Variants in LAMP3 observed in about 807,000 individuals in gnomAD.
LAMP3 encodes the protein lysosome-associated membrane glycoprotein 3.
In LAMP3, 26 loss-of-function variants were observed where a neutral mutation model predicts 34.8. That is an observed-to-expected ratio of 0.75 (90% confidence interval 0.55 to 1.04). The LOEUF (loss-of-function observed/expected upper bound fraction) is 1.04, where lower values mean the gene tolerates loss of function less well. Ranked by LOEUF, LAMP3 falls within the 50% of genes least tolerant of loss-of-function variation. The pLI, the probability that LAMP3 is intolerant of heterozygous loss-of-function variation, is 0.00. For missense variants in LAMP3, 495 were observed against 524.0 expected (o/e 0.94, Z 0.54); for synonymous variants, 180 against 201.9 (o/e 0.89, Z 0.92).
chr3:183,155,268 A>T (rs964351031), intron 1 of LAMP3, among the ~76,000 whole-genome samples: 3 of 152,142 alleles, frequency 2.0e-5, no homozygotes, highest in African/African-American at 7.2e-5. Context: ...CGTTCATCCA[A>T]TCTAGACTTA....
chr3:183,152,648 G>A (rs514636), intron 2 of LAMP3, 145 bp from the exon 3 acceptor site: 555,989 of 622,560 alleles, frequency 0.89, 248,745 homozygotes, highest in Non-Finnish European at 0.91. Flanking sequence ...AACACCTCTC[G>A]TTTTCAAACT....
At chr3:183,162,961 T>A, upstream of LAMP3, 1 of 349,644 alleles carries the variant, frequency 2.9e-6, no homozygotes, top group Non-Finnish European at 5.1e-6. Context: ...CCTCCTTTCT[T>A]TTTCTTTTCT....
chr3:183,152,068 A>G (rs16833752), intron 3 of LAMP3, among the ~76,000 whole-genome samples: 11,187 of 152,202 alleles, frequency 0.074, 462 homozygotes, highest in East Asian at 0.16. Flanking sequence ...GGGAATTTCT[A>G]CAGGTTTATT....
At chr3:183,145,188 G>T (rs10513791) in intron 3 of LAMP3, among the ~76,000 whole-genome samples, 11,228 of 152,210 alleles carry the variant, frequency 0.074, 467 homozygotes, top group East Asian at 0.16. Context: ...ATCTTGAACT[G>T]GAAGGGTCTG....
intron 3 of LAMP3, among the ~76,000 whole-genome samples, chr3:183,143,491 C>A (rs2108604201): frequency 1.3e-5 from 2 of 152,192 alleles, no homozygotes; most frequent in South Asian, 2.1e-4. Context: ...AACAAAAGGA[C>A]AGGGGGATAT....
At position 183,154,295 on chromosome 3, in the gene LAMP3, T is replaced by C; in HGVS notation, c.146A>G (p.Lys49Arg). Residue 49 changes from lysine to arginine, a missense_variant, in exon 2 of 6, where the codon AAA (lysine) becomes AGA (arginine). By Grantham distance (26) the Lys-to-Arg change is conservative. Transcript: ENST00000265598. The stretch of plus-strand genomic sequence containing the variant: ...CTTAGCTGGTTGCTGGACAGGTTTT[T>C]TTATGTCCTGTACTGTTGCTGCTGC... ...PTAAATVQDIKKPVQQPAKQA... is the reference protein window; with the variant it reads ...PTAAATVQDIRKPVQQPAKQA... 1 of 1,614,190 alleles carries C rather than the reference T, an allele frequency of 6.2e-7. No homozygotes were observed.
chr3:183,137,227 G>C (rs1353773329), intron 4 of LAMP3, among the ~76,000 whole-genome samples: 1 of 152,024 alleles, frequency 6.6e-6, no homozygotes, highest in Non-Finnish European at 1.5e-5. Flanking sequence ...GCTGAGGCAG[G>C]AGAATCTCTT....
At chr3:183,154,530 C>T (rs2280563) in intron 1 of LAMP3, 139 bp from the exon 2 acceptor site, 53,853 of 656,256 alleles carry the variant, frequency 0.082, 2,623 homozygotes, top group East Asian at 0.19. Flanking sequence ...TGCAAGGGTA[C>T]AACAATGAAG....
At chr3:183,150,535 T>A (rs188822088) in intron 3 of LAMP3, among the ~76,000 whole-genome samples, 185 of 151,420 alleles carry the variant, frequency 1.2e-3, no homozygotes, top group Admixed American at 4.4e-3. Context: ...AATGTTTATG[T>A]CTGTATCTTC....
rs1284769878 is a variant in LAMP3 at position 183,153,861 on chromosome 3, T to C, written c.580A>G (p.Thr194Ala). Residue 194 changes from threonine to alanine, a missense_variant, in exon 2 of 6, where the codon ACA becomes GCA. By Grantham distance (58) the Thr-to-Ala change is moderately conservative. Coordinates refer to ENST00000265598, the MANE Select transcript of LAMP3 (RefSeq NM_014398.4). ...GTGGTATTGTGGGCAGCTGCCGTTG[T>C]TCCTGGGGCATGGGTGGGTTGAACA... ...KPVQPTHAPG[T>A]TAAAHNTTRT... 2 of 1,612,830 alleles carry C rather than the reference T, an allele frequency of 1.2e-6. No individual in the cohort carries two copies. Among genetic ancestry groups the C allele is most frequent in the Non-Finnish European group, 1.7e-6 (2 of 1,179,166 alleles).
chr3:183,134,718 A>G (rs1720031788), intron 5 of LAMP3, among the ~76,000 whole-genome samples: 1 of 152,232 alleles, frequency 6.6e-6, no homozygotes, highest in Admixed American at 6.5e-5. Flanking sequence ...CACTGAGTAC[A>G]TGAGGAGAAG....
At chr3:183,155,152 C>T (rs1023901073) in intron 1 of LAMP3, among the ~76,000 whole-genome samples, 5 of 152,128 alleles carry the variant, frequency 3.3e-5, no homozygotes, top group African/African-American at 4.8e-5. Context: ...TCTTGTGATC[C>T]GCCTGCCTCA....
At chr3:183,132,250 A>T in intron 5 of LAMP3, 1 of 960,960 alleles carries the variant, frequency 1.0e-6, no homozygotes, top group Non-Finnish European at 1.2e-6. Context: ...TAATTTTTTA[A>T]ACTGATAATA....
intron 4 of LAMP3, among the ~76,000 whole-genome samples, chr3:183,137,649 G>T (rs944935812): frequency 1.3e-5 from 2 of 152,082 alleles, no homozygotes; most frequent in Non-Finnish European, 2.9e-5. Context: ...CATTACAACT[G>T]TCACTACCGT....
chr3:183,141,513 G>A (rs949662673), intron 3 of LAMP3, among the ~76,000 whole-genome samples: 5 of 152,166 alleles, frequency 3.3e-5, no homozygotes, highest in African/African-American at 1.2e-4. Context: ...CAAGTTAAGA[G>A]ATGCAAAAAT....
intron 3 of LAMP3, among the ~76,000 whole-genome samples, chr3:183,150,597 T>C (rs1576884228): frequency 7.9e-6 from 1 of 126,118 alleles, no homozygotes; most frequent in Admixed American, 1.0e-4. Flanking sequence ...TGGAGAGCAG[T>C]GGTGCAATCA....
chr3:183,158,612 C>G (rs1469451433), intron 1 of LAMP3, among the ~76,000 whole-genome samples: 1 of 152,002 alleles, frequency 6.6e-6, no homozygotes, highest in African/African-American at 2.4e-5. Context: ...GGTTTTGGTT[C>G]CCCTACAACC....
intron 1 of LAMP3, among the ~76,000 whole-genome samples, chr3:183,156,364 AAAC>A (rs10663850): frequency 2.0e-5 from 3 of 151,032 alleles, no homozygotes; most frequent in African/African-American, 7.3e-5. Flanking sequence ...GCTGTCTCAA[AAAC>A]AACAACAACA....
At position 183,123,096 on chromosome 3, in the gene LAMP3, C is replaced by T. The variant is rs961308866; in HGVS notation, c.*985G>A. ...AATAATTAAGGGCCATTATTATTGT[C>T]TCTTGCTTATTGTTTAGTTCTACCA... is the stretch of plus-strand genomic sequence containing the variant. On this transcript the variant is annotated 3_prime_UTR_variant, in exon 6 of 6. Transcript: ENST00000265598. The T allele has an allele frequency of 3.3e-5, 5 of 152,182 alleles. No individual in the cohort carries two copies. The highest frequency in any genetic ancestry group is 1.2e-4 in the African/African-American group (5 of 41,454). 9.4% of individuals were successfully genotyped at this position (152,182 alleles called of 1,614,324 possible). A position where few individuals can be genotyped will look rare whatever the true frequency, so the allele number is the denominator to read the frequency against.
Sources: allele counts gnomAD v4.1 joint callset (sites outside exome capture counted in the v4.1 genomes callset), GRCh38; gene constraint gnomAD v4.1.1; transcripts MANE v1.5; gene names NCBI Gene and HGNC (gene_info 2026-07-23, HGNC 2026-07-21).